Variants in TRIM33 observed in about 807,000 individuals in gnomAD.
TRIM33 encodes the protein E3 ubiquitin-protein ligase TRIM33.
Under a neutral mutation model 125.4 loss-of-function variants are expected in TRIM33, and 20 were observed. The observed-to-expected ratio is 0.16, with a 90% CI of 0.11 to 0.23. The LOEUF (loss-of-function observed/expected upper bound fraction) is 0.23. TRIM33 is among the 10% of genes least tolerant of loss of function. TRIM33 has a pLI of 1.00. For synonymous variants in TRIM33, 564 were observed against 513.9 expected, an observed-to-expected ratio of 1.10 and a Z score of -1.32; for missense variants, 920 against 1,411.4, an observed-to-expected ratio of 0.65 and a Z score of 5.58.
Position 114,510,782 on chromosome 1 carries a change from G to A in TRIM33, c.295C>T (p.Pro99Ser), listed in dbSNP as rs1434235806. 6 of 1,521,178 alleles carry A rather than the reference G, an allele frequency of 3.9e-6. No homozygotes were observed. The highest frequency in any genetic ancestry group is 1.4e-5 in the African/African-American group (1 of 71,378). The allele number at this position is 1,521,178 out of a possible 1,614,324, so 94.2% of individuals were successfully genotyped here. A position where few individuals can be genotyped will look rare whatever the true frequency, so the allele number is the denominator to read the frequency against. The change falls in exon 1 of 20, where the codon CCA becomes TCA. Residue 99 changes from proline to serine, a missense_variant. Around this residue, in one of 8 missense-constraint regions of TRIM33, gnomAD observed 233 missense variants for 189.6 expected, o/e 1.23. Transcript: ENST00000358465. ...VAGGAVSTPA[P>S]APASAPAPGP... ...GGAGCGGGAGCCGAGGCTGGAGCTG[G>A]AGCCGGCGTCGATACTGCGCCCCCG... is the stretch of plus-strand genomic sequence containing the variant.
At chr1:114,438,550 AT>A (rs1648452092) in intron 4 of TRIM33, among the ~76,000 whole-genome samples, 1 of 152,150 alleles carries the variant, frequency 6.6e-6, no homozygotes, top group Admixed American at 6.6e-5. Flanking sequence ...AACTTACTAC[AT>A]TTTCAGGCAC....
At chr1:114,409,375 T>C (rs905740174) in intron 12 of TRIM33, among the ~76,000 whole-genome samples, 1 of 152,216 alleles carries the variant, frequency 6.6e-6, no homozygotes, top group South Asian at 2.1e-4. Flanking sequence ...GCTATTTTAA[T>C]AGTTTTCAGC....
At chr1:114,409,992 C>T (rs968737435) in intron 12 of TRIM33, among the ~76,000 whole-genome samples, 192 bp downstream of exon 12, 1 of 152,120 alleles carries the variant, frequency 6.6e-6, no homozygotes, top group Admixed American at 6.5e-5. Flanking sequence ...GGGTCTCCAG[C>T]CTGCCTCACC....
chr1:114,421,500 T>G lies in TRIM33; in HGVS notation c.1997A>C (p.Glu666Ala). Reference protein sequence around the residue: ...GPTSPSVTAIELIPSVTNPEN... With the variant: ...GPTSPSVTAIALIPSVTNPEN... The stretch of plus-strand genomic sequence containing the variant: ...TGGATTGGTAACTGAGGGGATTAGC[T>G]CTATTGCTGTAACAGATGGGCTGGT... Residue 666 changes from glutamate (E) to alanine (A), a missense_variant, in exon 11 of 20, where the codon GAG becomes GCG. Glu to Ala is a moderately radical substitution (Grantham distance 107). Coordinates refer to ENST00000358465, the MANE Select transcript of TRIM33 (RefSeq NM_015906.4). 1 of 1,614,124 alleles carries G rather than the reference T, an allele frequency of 6.2e-7. No homozygotes were observed. The highest frequency in any genetic ancestry group is 8.5e-7 in the Non-Finnish European group (1 of 1,180,018).
At chr1:114,487,355 A>C (rs889794694) in intron 1 of TRIM33, among the ~76,000 whole-genome samples, 14 of 151,580 alleles carry the variant, frequency 9.2e-5, no homozygotes, top group South Asian at 2.1e-4. Context: ...AAAAAAAAAA[A>C]AACAACCTGG....
rs191936450 is a variant in TRIM33, at chr1:114,435,695, T to C, written c.924-1962A>G. On this transcript the variant is annotated intron_variant, in intron 4 of 19. Coordinates refer to ENST00000358465, the MANE Select transcript of TRIM33 (RefSeq NM_015906.4). Reference sequence around the variant, plus strand: ...TAGAAAACTGCTGGTGCACTGACTTTATTGTGGTAAAATATACGTAGTAAA... The same window carrying C: ...TAGAAAACTGCTGGTGCACTGACTTCATTGTGGTAAAATATACGTAGTAAA... 3.9e-3 allele frequency among the ~76,000 whole-genome samples: 592 copies of C among 152,046 alleles called. 8 individuals carry two copies. The highest frequency in any genetic ancestry group is 3.9e-3 in the Admixed American group (59 of 15,264).
chr1:114,409,773 G>C (rs1406343769), intron 12 of TRIM33, among the ~76,000 whole-genome samples: 1 of 152,180 alleles, frequency 6.6e-6, no homozygotes, highest in Non-Finnish European at 1.5e-5. Flanking sequence ...AGATGGTACT[G>C]TGAAGGTATT....
intron 4 of TRIM33, among the ~76,000 whole-genome samples, chr1:114,443,955 C>T (rs1403177509): frequency 6.6e-6 from 1 of 152,092 alleles, no homozygotes; most frequent in South Asian, 2.1e-4. Context: ...CAGACTAGCC[C>T]TTGTCACCAA....
chr1:114,467,216 T>A (rs540577503), intron 1 of TRIM33, among the ~76,000 whole-genome samples: 4 of 152,176 alleles, frequency 2.6e-5, no homozygotes. Context: ...AGAGTATCAA[T>A]TGGACTTAAT....
At position 114,427,811 on chromosome 1, in the gene TRIM33, C is replaced by T; in HGVS notation, c.1239G>A (p.Met413Ile). Residue 413 changes from methionine to isoleucine, a missense_variant, in exon 7 of 20, where the codon ATG (methionine) becomes ATA (isoleucine). Coordinates refer to ENST00000358465, the MANE Select transcript of TRIM33 (RefSeq NM_015906.4). ...TTGCAATTGCCCAATTTGTGAAGTT[C>T]ATAACATGCTTCACCTGCCGGGAAA... ...TGLSRQVKHVMNFTNWAIASG... is the reference protein window; with the variant it reads ...TGLSRQVKHVINFTNWAIASG... The T allele has an allele frequency of 6.2e-7, 1 of 1,613,982 alleles. No individual in the cohort carries two copies. The highest frequency in any genetic ancestry group is 8.5e-7 in the Non-Finnish European group (1 of 1,179,940).
chr1:114,433,581 AT>A (rs1648102029), intron 5 of TRIM33, 35 bp downstream of exon 5: 1 of 1,278,232 alleles, frequency 7.8e-7, no homozygotes, highest in Non-Finnish European at 1.1e-6. Flanking sequence ...CTTTTTAGTA[AT>A]TCTTAAAATT....
chr1:114,431,933 T>C (rs1031742733), intron 5 of TRIM33, among the ~76,000 whole-genome samples: 7 of 152,194 alleles, frequency 4.6e-5, no homozygotes, highest in Admixed American at 4.6e-4. Context: ...TCACTAAGCA[T>C]GCTGAAAACA....
Position 114,433,697 on chromosome 1 carries a change from CT to C in TRIM33, c.959del (p.Lys320ArgfsTer29). On this transcript the variant is annotated frameshift_variant, in exon 5 of 20. Coordinates refer to ENST00000358465, the MANE Select transcript of TRIM33 (RefSeq NM_015906.4). LOFTEE classifies it high-confidence loss of function. Reference protein sequence around the residue: ...QFLEEAFQNQKGAIENLLAKL... With the variant: ...QFLEEAFQNQXGAIENLLAKL... ...TCGCCAGTAGATTCTCAATTGCACC[CT>C]TCTGATTTTGAAAAGCTTCTTCCAA... 6.2e-7 allele frequency: 1 copy of C among 1,609,802 alleles called. No individual in the cohort carries two copies. The highest frequency in any genetic ancestry group is 8.5e-7 in the Non-Finnish European group (1 of 1,178,434).
At chr1:114,419,559 TAA>T (rs1653150188) in intron 11 of TRIM33, among the ~76,000 whole-genome samples, 1 of 152,202 alleles carries the variant, frequency 6.6e-6, no homozygotes, top group Admixed American at 6.5e-5. Context: ...AATTTATATT[TAA>T]AAAGTTTCCA....
intron 1 of TRIM33, among the ~76,000 whole-genome samples, chr1:114,472,510 A>G (rs533373847): frequency 1.3e-5 from 2 of 152,336 alleles, no homozygotes; most frequent in African/African-American, 4.8e-5. Context: ...AGGCGGGCAG[A>G]TCGCTTCAGT....
chr1:114,460,265 A>G (rs1649884428), intron 4 of TRIM33: 1 of 192,152 alleles, frequency 5.2e-6, no homozygotes, highest in African/African-American at 2.3e-5. Context: ...AACTGGACAA[A>G]GACCGCAAAA....
At chr1:114,483,215 G>A (rs1557893332) in intron 1 of TRIM33, among the ~76,000 whole-genome samples, 1 of 152,034 alleles carries the variant, frequency 6.6e-6, no homozygotes, top group Non-Finnish European at 1.5e-5. Flanking sequence ...GCTGAGGCAA[G>A]AGGACTGCTT....
chr1:114,463,236 T>C lies in TRIM33; in HGVS notation c.791A>G (p.Glu264Gly). 3 of 1,585,406 alleles carry C rather than the reference T, an allele frequency of 1.9e-6. No individual in the cohort carries two copies. Among genetic ancestry groups the C allele is most frequent in the Non-Finnish European group, 2.6e-6 (3 of 1,171,966 alleles). The change falls in exon 4 of 20, where the codon GAG becomes GGG. Residue 264 changes from glutamate (E) to glycine (G), a missense_variant and splice_region_variant. Around this residue, in one of 8 missense-constraint regions of TRIM33, gnomAD observed 24 missense variants for 83.9 expected, o/e 0.29. Transcript: ENST00000358465. ...HLIRKKEDVS[E>G]SVGASGQRPV... ...GCGTTGACCAGATGCTCCAACAGAC[T>C]CTGTAGCAAAATAAAACAAATATTT... is the stretch of plus-strand genomic sequence containing the variant.
chr1:114,424,585 G>A lies in TRIM33; in HGVS notation c.1860+6C>T. On this transcript the variant is annotated splice_donor_region_variant and intron_variant, in intron 10 of 19. Coordinates refer to ENST00000358465, the MANE Select transcript of TRIM33 (RefSeq NM_015906.4). ...AGGATTCTTACAAATGTAACTCTAG[G>A]CATACTTGTCTTTGGAGGTGTGGCT... 1 of 1,547,720 alleles carries A rather than the reference G, an allele frequency of 6.5e-7. No individual in the cohort carries two copies. The highest frequency in any genetic ancestry group is 1.2e-5 in the South Asian group (1 of 80,636).
Sources: allele counts gnomAD v4.1 joint callset (sites outside exome capture counted in the v4.1 genomes callset), GRCh38; gene constraint gnomAD v4.1.1; regional missense constraint gnomAD v4.1.1; transcripts MANE v1.5; gene names NCBI Gene and HGNC (gene_info 2026-07-23, HGNC 2026-07-21).